The following ZNF19 variants were observed in gnomAD, a reference collection of about 807,000 sequenced individuals.
ZNF19 encodes zinc finger protein 19 (KOX 12).
ZNF19 carries 11 observed loss-of-function variants against 13.1 expected under a neutral mutation model. That is an observed-to-expected ratio of 0.84 (90% confidence interval 0.53 to 1.39). The LOEUF (loss-of-function observed/expected upper bound fraction) is 1.39. Among genes scored for constraint, ZNF19 ranks in the 40% most tolerant of loss-of-function variants. The pLI is 0.00. For synonymous variants in ZNF19, 186 were observed against 187.0 expected, an observed-to-expected ratio of 0.99 and a Z score of 0.04; for missense variants, 560 against 547.0, an observed-to-expected ratio of 1.02 and a Z score of -0.24.
chr16:71,477,186 T>G (rs1411521542), intron 5 of ZNF19, among the ~76,000 whole-genome samples: 1 of 152,214 alleles, frequency 6.6e-6, no homozygotes, highest in South Asian at 2.1e-4. Context: ...GTTCATCCTA[T>G]GAGTGTGAGT....
Position 71,475,720 on chromosome 16 carries a change from T to A in ZNF19, c.827A>T (p.Asn276Ile). The A allele has an allele frequency of 6.2e-7, 1 of 1,612,270 alleles. No homozygotes were observed. The highest frequency in any genetic ancestry group is 8.5e-7 in the Non-Finnish European group (1 of 1,178,684). Residue 276 changes from asparagine to isoleucine, a missense_variant, in exon 6 of 6, where the codon AAT becomes ATT. Transcript: ENST00000288177. ...ACCAACAAAAGCTTTGCCACACTCA[T>A]TACACTCATAGGGTTTCTCCCCAGT... ...IHTGEKPYEC[N>I]ECGKAFVGNS... is the part of the protein sequence containing the mutation.
At chr16:71,488,357 C>CAAAAAA (rs1204906609) in intron 1 of ZNF19, among the ~76,000 whole-genome samples, 5 of 65,096 alleles carry the variant, frequency 7.7e-5, no homozygotes, top group Admixed American at 3.3e-4. Flanking sequence ...GAGACTATCT[C>CAAAAAA]AAAAAAAAAA....
In ZNF19 at chr16:71,476,083, G is replaced by A. The variant is rs746122425; in HGVS notation, c.464C>T (p.Pro155Leu). The A allele has an allele frequency of 1.9e-6, 3 of 1,614,022 alleles. No individual in the cohort carries two copies. The highest frequency in any genetic ancestry group is 2.5e-6 in the Non-Finnish European group (3 of 1,180,026). ...ACATATGAAAGGTTTCCTTGCACAG[G>A]GGATTCTTGGAACCTTTCCTTGGAT... is the stretch of plus-strand genomic sequence containing the variant. ...KNIQGKVPRIPCARKPFICEE... is the reference protein window; with the variant it reads ...KNIQGKVPRILCARKPFICEE... The change falls in exon 6 of 6, where the codon CCC (proline) becomes CTC (leucine). Residue 155 changes from proline to leucine, a missense_variant. Coordinates refer to ENST00000288177, the MANE Select transcript of ZNF19 (RefSeq NM_006961.4).
At chr16:71,488,761 T>C (rs1481808618) in intron 1 of ZNF19, among the ~76,000 whole-genome samples, 3 of 152,254 alleles carry the variant, frequency 2.0e-5, no homozygotes, top group Non-Finnish European at 2.9e-5. Flanking sequence ...ATGGTGCCAT[T>C]GCACTCCAGC....
At chr16:71,483,903 C>G (rs2043655323) in intron 2 of ZNF19, among the ~76,000 whole-genome samples, 1 of 152,176 alleles carries the variant, frequency 6.6e-6, no homozygotes, top group Non-Finnish European at 1.5e-5. Context: ...TAAATCACTG[C>G]CAGGGGAAAC....
chr16:71,485,953 A>G (rs2043675323), intron 1 of ZNF19, among the ~76,000 whole-genome samples: 1 of 152,148 alleles, frequency 6.6e-6, no homozygotes, highest in Non-Finnish European at 1.5e-5. Context: ...AAAGATGTAT[A>G]TGTCCTAATC....
At chr16:71,485,221 G>A (rs574139944) in intron 1 of ZNF19, among the ~76,000 whole-genome samples, 6 of 152,002 alleles carry the variant, frequency 3.9e-5, no homozygotes, top group Non-Finnish European at 7.4e-5. Flanking sequence ...AGGCCAAGGC[G>A]GGCAGATCAC....
intron 1 of ZNF19, 131 bp downstream of exon 1, chr16:71,489,141 G>T: frequency 1.5e-6 from 1 of 654,068 alleles, no homozygotes. Context: ...GGTCCCACCC[G>T]GCCACAATTG....
chr16:71,483,755 A>G (rs925448329), intron 2 of ZNF19, among the ~76,000 whole-genome samples: 1 of 152,214 alleles, frequency 6.6e-6, no homozygotes, highest in Admixed American at 6.5e-5. Context: ...TCTCATACAT[A>G]TTTCATGCAA....
rs777806223 is a variant in ZNF19 at position 71,475,212 on chromosome 16, A to C, written c.1335T>G (p.Cys445Trp). The C allele has an allele frequency of 3.1e-6, 5 of 1,613,144 alleles. No homozygotes were observed. In the African/African-American group the frequency reaches 6.7e-5, roughly 22 times the overall value. Residue 445 changes from cysteine (C) to tryptophan (W), a missense_variant, in exon 6 of 6, where the codon TGT (cysteine) becomes TGG (tryptophan). Coordinates refer to ENST00000288177, the MANE Select transcript of ZNF19 (RefSeq NM_006961.4). ...TAAAAAATTCTGGGAGGCCAAAACG[A>C]CAAATGTCCAGCACAGGCTTCTCTC... ...YSGEKPVLDI[C>W]RFGLPEFFTP...
At position 71,475,798 on chromosome 16, in the gene ZNF19, C is replaced by T; in HGVS notation, c.749G>A (p.Cys250Tyr). 1 of 1,612,970 alleles carries T rather than the reference C, an allele frequency of 6.2e-7. No individual in the cohort carries two copies. Among genetic ancestry groups the T allele is most frequent in the Non-Finnish European group, 8.5e-7 (1 of 1,179,172 alleles). The change falls in exon 6 of 6, where the codon TGT becomes TAT. Residue 250 changes from cysteine to tyrosine, a missense_variant. Coordinates refer to ENST00000288177, the MANE Select transcript of ZNF19 (RefSeq NM_006961.4). ...GGAACTACTCGTGAAACTATTCCCACACTCTGTACAGTAATAGGGTCTGTC... is the reference window on the plus strand; with the variant it reads ...GGAACTACTCGTGAAACTATTCCCATACTCTGTACAGTAATAGGGTCTGTC... Reference protein sequence around the residue: ...SGDRPYYCTECGNSFTSSSEF... With the variant: ...SGDRPYYCTEYGNSFTSSSEF...
In ZNF19 at chr16:71,475,782, C is replaced by A. The variant is rs2288489; in HGVS notation, c.765G>T (p.Thr255=). 28 of 1,613,718 alleles carry A rather than the reference C, an allele frequency of 1.7e-5. No homozygotes were observed. The highest frequency in any genetic ancestry group is 2.4e-5 in the Non-Finnish European group (28 of 1,179,934). Residue 255 remains threonine, a synonymous_variant, in exon 6 of 6, where the codon ACG becomes ACT. Transcript: ENST00000288177. ...YYCTECGNSF[T]SSSEFVIHQR... ...GATGTATAACAAACTCGGAACTACTCGTGAAACTATTCCCACACTCTGTAC... is the reference window on the plus strand; with the variant it reads ...GATGTATAACAAACTCGGAACTACTAGTGAAACTATTCCCACACTCTGTAC...
rs1489330292 is a variant in ZNF19 at position 71,484,484 on chromosome 16, C to T, written c.-30+105G>A. On this transcript the variant is annotated intron_variant, in intron 2 of 5. Coordinates refer to ENST00000288177, the MANE Select transcript of ZNF19 (RefSeq NM_006961.4). ...GCTCCCCGGTCCCGGAGGGGCCGCC[C>T]TGTCTCCCTCCACTGAGGCAGCAGG... is the stretch of plus-strand genomic sequence containing the variant. 1.2e-5 allele frequency: 12 copies of T among 982,752 alleles called. No homozygotes were observed. The East Asian group carries it at 1.4e-3, about 112-fold the overall frequency. 60.9% of individuals were successfully genotyped at this position (982,752 alleles called of 1,614,324 possible). A position where few individuals can be genotyped will look rare whatever the true frequency, so the allele number is the denominator to read the frequency against.
chr16:71,482,202 A>G lies in ZNF19; in HGVS notation c.-29-59T>C, dbSNP rs1174044776. 30 of 1,552,264 alleles carry G rather than the reference A, an allele frequency of 1.9e-5. No individual in the cohort carries two copies. In the Middle Eastern group the frequency reaches 8.4e-4, roughly 43 times the overall value. On this transcript the variant is annotated intron_variant, in intron 2 of 5. Transcript: ENST00000288177. ...CTCAGCCCAGTAAAATGCTCTCTTT[A>G]GAGCAATAAATTTGCCAATAGCAAG...
intron 2 of ZNF19, among the ~76,000 whole-genome samples, chr16:71,483,111 G>A (rs2043648569): frequency 6.6e-6 from 1 of 152,188 alleles, no homozygotes; most frequent in African/African-American, 2.4e-5. Context: ...GAATGGCCAA[G>A]AAAACTCAGG....
intron 2 of ZNF19, among the ~76,000 whole-genome samples, chr16:71,484,210 G>A (rs2043657648): frequency 6.6e-6 from 1 of 152,220 alleles, no homozygotes; most frequent in African/African-American, 2.4e-5. Flanking sequence ...AAAGCTTCCT[G>A]GGGGCGGGGC....
At chr16:71,484,837 A>G in intron 1 of ZNF19, 89 bp from the exon 2 acceptor site, 2 of 592,830 alleles carry the variant, frequency 3.4e-6, no homozygotes, top group South Asian at 1.5e-4. Flanking sequence ...AAACTACTGT[A>G]GTATCAGCCG....
rs1165633094 is a variant in ZNF19, at chr16:71,474,485, A to T, written c.*685T>A. 1 of 152,208 alleles carries T rather than the reference A, an allele frequency of 6.6e-6. No homozygotes were observed. Among genetic ancestry groups the T allele is most frequent in the African/African-American group, 2.4e-5 (1 of 41,448 alleles). 9.4% of individuals were successfully genotyped at this position (152,208 alleles called of 1,614,324 possible). On this transcript the variant is annotated 3_prime_UTR_variant, in exon 6 of 6. Transcript: ENST00000288177. ...TAGTACAATGAGATTTTTGTTACAGAGCTCAAGTTGTTAGAACTTCTATCT... is the reference window on the plus strand; with the variant it reads ...TAGTACAATGAGATTTTTGTTACAGTGCTCAAGTTGTTAGAACTTCTATCT...
chr16:71,474,057 G>A lies in ZNF19; in HGVS notation c.*1113C>T, dbSNP rs577040533. The A allele has an allele frequency of 2.0e-5, 3 of 152,226 alleles. No homozygotes were observed. In the East Asian group the frequency reaches 5.8e-4, roughly 29 times the overall value. The allele number at this position is 152,226 out of a possible 1,614,324, so 9.4% of individuals were successfully genotyped here. On this transcript the variant is annotated 3_prime_UTR_variant, in exon 6 of 6. Transcript: ENST00000288177. The stretch of plus-strand genomic sequence containing the variant: ...GGTGCTAGACGCAGTAAGCAATTAA[G>A]TCTGGAATTGGGTAGGGAGATTCCA...
Sources: gnomAD v4.1 joint callset for allele counts (sites outside exome capture counted in the v4.1 genomes callset) on GRCh38, gnomAD v4.1.1 for gene constraint, MANE v1.5 for transcripts, NCBI Gene and HGNC (gene_info 2026-07-23, HGNC 2026-07-21) for gene names.